The following KIAA0825 variants were observed in gnomAD, a reference collection of about 807,000 sequenced individuals.
KIAA0825 encodes the protein uncharacterized protein KIAA0825.
In KIAA0825, 119 loss-of-function variants were observed where a neutral mutation model predicts 147.6. The observed-to-expected ratio is 0.81, with a 90% CI of 0.69 to 0.94. The LOEUF (loss-of-function observed/expected upper bound fraction) is 0.94, where lower values mean the gene tolerates loss of function less well. Ranked by LOEUF, KIAA0825 falls within the 40% of genes least tolerant of loss-of-function variation. KIAA0825 has a pLI of 0.00. For missense variants in KIAA0825, 1,381 were observed against 1,472.7 expected (o/e 0.94, Z 1.02); for synonymous variants, 470 against 518.1 (o/e 0.91, Z 1.26).
chr5:94,563,217 G>A (rs997768179), intron 2 of KIAA0825, among the ~76,000 whole-genome samples: 3 of 151,866 alleles, frequency 2.0e-5, no homozygotes, highest in Non-Finnish European at 4.4e-5. Context: ...AATCAGCTGG[G>A]CGTGGTGGTG....
intron 20 of KIAA0825, among the ~76,000 whole-genome samples, chr5:94,336,423 C>G (rs548328816): frequency 1.3e-5 from 2 of 150,922 alleles, no homozygotes; most frequent in Non-Finnish European, 3.0e-5. Context: ...CCCCCACCCC[C>G]CAAACAGGCC....
intron 20 of KIAA0825, among the ~76,000 whole-genome samples, chr5:94,197,959 G>C (rs962453982): frequency 6.6e-6 from 1 of 152,070 alleles, no homozygotes; most frequent in African/African-American, 2.4e-5. Flanking sequence ...TTGGTTTCTT[G>C]TTCAGTTCCA....
intron 18 of KIAA0825, among the ~76,000 whole-genome samples, chr5:94,389,928 C>G (rs938521370): frequency 6.6e-6 from 1 of 152,182 alleles, no homozygotes; most frequent in African/African-American, 2.4e-5. Flanking sequence ...ATACTTAGCT[C>G]TATATCCCAT....
chr5:94,302,556 T>A (rs1778478569), intron 20 of KIAA0825, among the ~76,000 whole-genome samples: 1 of 152,142 alleles, frequency 6.6e-6, no homozygotes, highest in Non-Finnish European at 1.5e-5. Context: ...ACTAAAAGGA[T>A]CTGACTGAAT....
chr5:94,280,046 G>C (rs1195158949), intron 20 of KIAA0825, among the ~76,000 whole-genome samples: 1 of 152,084 alleles, frequency 6.6e-6, no homozygotes, highest in Non-Finnish European at 1.5e-5. Context: ...AGCCACACTC[G>C]GTGGCCTGGG....
intron 1 of KIAA0825, among the ~76,000 whole-genome samples, chr5:94,600,088 G>C (rs1786098472): frequency 6.6e-6 from 1 of 152,172 alleles, no homozygotes; most frequent in Admixed American, 6.5e-5. Context: ...AACATCATTA[G>C]AGAAATGCAA....
At chr5:94,328,486 C>A (rs1311044186) in intron 20 of KIAA0825, among the ~76,000 whole-genome samples, 1 of 151,832 alleles carries the variant, frequency 6.6e-6, no homozygotes, top group Non-Finnish European at 1.5e-5. Flanking sequence ...ATATTGCATT[C>A]TCTTGTCACT....
chr5:94,478,602 A>G (rs1163842155), intron 6 of KIAA0825, among the ~76,000 whole-genome samples: 3 of 152,168 alleles, frequency 2.0e-5, no homozygotes, highest in Non-Finnish European at 4.4e-5. Flanking sequence ...TTAGACTCAA[A>G]CAGTGTTAGA....
intron 11 of KIAA0825, 129 bp downstream of exon 11, chr5:94,464,740 A>G: frequency 2.6e-6 from 2 of 757,636 alleles, no homozygotes; most frequent in Non-Finnish European, 2.0e-6. Context: ...AGAATAGAAT[A>G]TGATTTCTTT....
chr5:94,559,719 C>G (rs1391677469), intron 2 of KIAA0825, among the ~76,000 whole-genome samples: 1 of 152,158 alleles, frequency 6.6e-6, no homozygotes, highest in African/African-American at 2.4e-5. Flanking sequence ...AATTCAAAGT[C>G]TCTATCTATA....
At chr5:94,435,351 G>A (rs1343532877) in intron 14 of KIAA0825, among the ~76,000 whole-genome samples, 1 of 139,370 alleles carries the variant, frequency 7.2e-6, no homozygotes, top group Non-Finnish European at 1.5e-5. Flanking sequence ...TGTTCTCATT[G>A]TTTAGCTCAC....
chr5:94,440,672 T>C (rs759412274), intron 13 of KIAA0825, among the ~76,000 whole-genome samples: 20 of 152,076 alleles, frequency 1.3e-4, no homozygotes, highest in Non-Finnish European at 2.5e-4. Flanking sequence ...TATTAAACTG[T>C]TACCTACTTG....
intron 6 of KIAA0825, 92 bp downstream of exon 6, chr5:94,484,677 T>G: frequency 1.2e-6 from 1 of 845,132 alleles, no homozygotes; most frequent in South Asian, 2.6e-5. Context: ...TCATGTGTGT[T>G]TTTTTCAAGT....
intron 2 of KIAA0825, among the ~76,000 whole-genome samples, chr5:94,538,069 T>C (rs1413413044): frequency 6.6e-6 from 1 of 152,242 alleles, no homozygotes; most frequent in Non-Finnish European, 1.5e-5. Flanking sequence ...TTATATACAC[T>C]GCTGTAGAGG....
chr5:94,566,697 C>A (rs1436721903), intron 2 of KIAA0825, among the ~76,000 whole-genome samples: 1 of 151,854 alleles, frequency 6.6e-6, no homozygotes, highest in Non-Finnish European at 1.5e-5. Flanking sequence ...TTAAATTGTT[C>A]ATACCATGAA....
Position 94,179,868 on chromosome 5 carries a change from A to T in KIAA0825, c.3711-25744T>A, listed in dbSNP as rs1769443288. ...TACATGAATCCATACTAATATAAAT[A>T]ATAACTGAGTAAATTGGGGAGAAGT... On this transcript the variant is annotated intron_variant, in intron 20 of 20. Coordinates refer to ENST00000682413, the MANE Select transcript of KIAA0825 (RefSeq NM_001145678.3). Among the ~76,000 whole-genome samples the T allele has an allele frequency of 3.3e-5, 5 of 152,160 alleles. No homozygotes were observed. In the South Asian group the frequency reaches 1.0e-3, roughly 32 times the overall value.
In KIAA0825 at chr5:94,473,348, C is replaced by G. The variant is rs1329781291; in HGVS notation, c.1399G>C (p.Val467Leu). Residue 467 changes from valine (V) to leucine (L), a missense_variant, in exon 8 of 21, where the codon GTT (valine) becomes CTT (leucine). Transcript: ENST00000682413. ...GGAAACATATGGCTGTCTTGCCAAA[C>G]TTGCTGGACATTTACAAGGTTCATA... The part of the protein sequence containing the change: ...YAMNLVNVQQ[V>L]WQDSHMFPEE... 8 of 1,551,732 alleles carry G rather than the reference C, an allele frequency of 5.2e-6. No homozygotes were observed. Among genetic ancestry groups the G allele is most frequent in the Non-Finnish European group, 2.6e-6 (3 of 1,147,046 alleles).
At chr5:94,338,192 A>C (rs188951131) in intron 20 of KIAA0825, among the ~76,000 whole-genome samples, 3 of 152,190 alleles carry the variant, frequency 2.0e-5, no homozygotes, top group Admixed American at 6.5e-5. Context: ...GGTTGAATTG[A>C]ATTGAGGAAT....
intron 2 of KIAA0825, among the ~76,000 whole-genome samples, chr5:94,572,913 C>T (rs1414247045): frequency 6.6e-6 from 1 of 152,108 alleles, no homozygotes; most frequent in East Asian, 1.9e-4. Context: ...GAATCAAACT[C>T]TGTAAAACAT....
Sources: allele counts gnomAD v4.1 joint callset (sites outside exome capture counted in the v4.1 genomes callset), GRCh38; gene constraint gnomAD v4.1.1; transcripts MANE v1.5; gene names NCBI Gene and HGNC (gene_info 2026-07-23, HGNC 2026-07-21).